Variants in TNFAIP8L3 observed in about 807,000 individuals in gnomAD.
The protein encoded by TNFAIP8L3 is TNF alpha induced protein 8 like 3, also known as tumor necrosis factor alpha-induced protein 8-like protein 3.
TNFAIP8L3 carries 7 observed loss-of-function variants against 11.8 expected under a neutral mutation model. The observed-to-expected ratio is 0.59, with a 90% CI of 0.34 to 1.11. The LOEUF is 1.11. TNFAIP8L3 is among the 50% of genes most tolerant of loss of function. The pLI is 0.03. For synonymous variants in TNFAIP8L3, 98 were observed against 103.8 expected, an observed-to-expected ratio of 0.94 and a Z score of 0.34; for missense variants, 219 against 258.6, an observed-to-expected ratio of 0.85 and a Z score of 1.05.
chr15:51,087,919 T>TATATATATA (rs1555468325), intron 1 of TNFAIP8L3, among the ~76,000 whole-genome samples: 1 of 101,564 alleles, frequency 9.8e-6, no homozygotes, highest in South Asian at 3.7e-4. Context: ...TAGCATACCT[T>TATATATATA]TATATATATA....
upstream of TNFAIP8L3, among the ~76,000 whole-genome samples, chr15:51,094,917 C>T (rs1454470964): frequency 1.3e-5 from 2 of 151,556 alleles, no homozygotes; most frequent in African/African-American, 4.8e-5. This position sits in a 1 kb window ranked among gnomAD's most constrained non-coding sequence, Gnocchi z 4.4. Context: ...GCCCGGCGGG[C>T]TCCAGGCTGG....
intron 1 of TNFAIP8L3, among the ~76,000 whole-genome samples, chr15:51,088,602 T>C (rs1248929612): frequency 6.6e-6 from 1 of 152,202 alleles, no homozygotes; most frequent in Non-Finnish European, 1.5e-5. Flanking sequence ...CTGTGTGGAT[T>C]GAACAGTTGG....
Position 51,094,654 on chromosome 15 carries a change from A to G in TNFAIP8L3, c.-59T>C. ...CCGCCCGTCTGCGGGGCGCTCGGGC[A>G]GCCGCGGCGCACTCAGGGCGGACAG... On this transcript the variant is annotated 5_prime_UTR_variant, in exon 1 of 2. Coordinates refer to ENST00000637513, the MANE Select transcript of TNFAIP8L3 (RefSeq NM_001311175.2). The surrounding 1 kb of genome is among the most constrained non-coding windows in gnomAD (Gnocchi z 4.4). 1 of 1,361,176 alleles carries G rather than the reference A, an allele frequency of 7.3e-7. No individual in the cohort carries two copies. The highest frequency in any genetic ancestry group is 9.5e-7 in the Non-Finnish European group (1 of 1,057,998). 84.3% of individuals were successfully genotyped at this position (1,361,176 alleles called of 1,614,324 possible).
At chr15:51,098,565 A>G (rs1042478527), upstream of TNFAIP8L3, among the ~76,000 whole-genome samples, 3 of 152,214 alleles carry the variant, frequency 2.0e-5, no homozygotes, top group Non-Finnish European at 4.4e-5. Context: ...TGAGAAAGGG[A>G]GCTTTCCTAT....
At chr15:51,066,887 T>C (rs557208200) in intron 1 of TNFAIP8L3, among the ~76,000 whole-genome samples, 1 of 152,300 alleles carries the variant, frequency 6.6e-6, no homozygotes, top group South Asian at 2.1e-4. Flanking sequence ...GGATTCAAAC[T>C]AGAAAACATT....
At chr15:51,078,097 A>C (rs150735504) in intron 1 of TNFAIP8L3, among the ~76,000 whole-genome samples, 3 of 152,262 alleles carry the variant, frequency 2.0e-5, no homozygotes, top group Admixed American at 2.0e-4. Flanking sequence ...AAAAATAAAT[A>C]GTGATTGGGC....
intron 1 of TNFAIP8L3, among the ~76,000 whole-genome samples, chr15:51,082,042 GA>G (rs2065395875): frequency 6.7e-6 from 1 of 148,898 alleles, no homozygotes; most frequent in African/African-American, 2.5e-5. Flanking sequence ...AAGAAAGAGT[GA>G]ATTTTTTTTT....
chr15:51,099,541 C>T (rs1395926784), upstream of TNFAIP8L3, among the ~76,000 whole-genome samples: 2 of 152,180 alleles, frequency 1.3e-5, no homozygotes, highest in Admixed American at 6.5e-5. Flanking sequence ...TTTATAAGCC[C>T]TTTAAATAGC....
chr15:51,079,793 G>A (rs1052870209), intron 1 of TNFAIP8L3, among the ~76,000 whole-genome samples: 97 of 144,776 alleles, frequency 6.7e-4, no homozygotes. Flanking sequence ...AGGCTGCAGT[G>A]AGCTATGATC....
chr15:51,058,195 C>T lies in TNFAIP8L3; in HGVS notation c.301G>A (p.Glu101Lys). The change falls in exon 2 of 2, where the codon GAG (glutamate) becomes AAG (lysine). Residue 101 changes from glutamate to lysine, a missense_variant. Coordinates refer to ENST00000637513, the MANE Select transcript of TNFAIP8L3 (RefSeq NM_001311175.2). ...CGGAACTTCTCCACAATAACCAGCT[C>T]CTCTTGGCTAAACTGGTTGTTCCGG... ...LYRNNQFSQE[E>K]LVIVEKFRKK... The T allele has an allele frequency of 3.1e-6, 5 of 1,614,196 alleles. No homozygotes were observed. The highest frequency in any genetic ancestry group is 4.2e-6 in the Non-Finnish European group (5 of 1,180,042).
In TNFAIP8L3 at chr15:51,057,438, AACAT is replaced by A. The variant is rs1393230371; in HGVS notation, c.*439_*442del. Reference sequence around the variant, plus strand: ...TTAAATTAGAGATTCCAAAAGTATGAACATACATCATCTCATCTGGTCCTCACAA... The same window carrying A: ...TTAAATTAGAGATTCCAAAAGTATGAACATCATCTCATCTGGTCCTCACAA... On this transcript the variant is annotated 3_prime_UTR_variant, in exon 2 of 2. Transcript: ENST00000637513. The A allele has an allele frequency of 6.3e-6, 1 of 157,518 alleles. No homozygotes were observed. Among genetic ancestry groups the A allele is most frequent in the African/African-American group, 2.4e-5 (1 of 41,556 alleles). The allele number at this position is 157,518 out of a possible 1,614,324, so 9.8% of individuals were successfully genotyped here.
chr15:51,072,233 T>C (rs2140969675), intron 1 of TNFAIP8L3, among the ~76,000 whole-genome samples: 1 of 152,268 alleles, frequency 6.6e-6, no homozygotes, highest in African/African-American at 2.4e-5. Context: ...CTCTGCCTCC[T>C]GGTTTCAAGC....
In TNFAIP8L3 at chr15:51,057,838, G is replaced by T; in HGVS notation, c.*43C>A. 1 of 1,480,550 alleles carries T rather than the reference G, an allele frequency of 6.8e-7. No homozygotes were observed. The highest frequency in any genetic ancestry group is 9.1e-7 in the Non-Finnish European group (1 of 1,097,424). The allele number at this position is 1,480,550 out of a possible 1,614,324, so 91.7% of individuals were successfully genotyped here. A position where few individuals can be genotyped will look rare whatever the true frequency, so the allele number is the denominator to read the frequency against. On this transcript the variant is annotated 3_prime_UTR_variant, in exon 2 of 2. Transcript: ENST00000637513. ...ATTCTCACCCAGATCATGGTTGAGT[G>T]CTGTAACTTTAAAGCAGCAAAGTCC... is the stretch of plus-strand genomic sequence containing the variant.
rs2140982814 is a variant in TNFAIP8L3 at position 51,094,310 on chromosome 15, C to T, written c.52+234G>A. Among the ~76,000 whole-genome samples the T allele has an allele frequency of 6.6e-6, 1 of 152,224 alleles. No homozygotes were observed. The highest frequency in any genetic ancestry group is 2.1e-4 in the South Asian group (1 of 4,826). ...CAGCCCGGGCGACCAGAGCCCGCCG[C>T]GGGAGACTGGCAGCAAGGAGAGCCA... On this transcript the variant is annotated intron_variant, in intron 1 of 1. Transcript: ENST00000637513. This position sits in a 1 kb window ranked among gnomAD's most constrained non-coding sequence, Gnocchi z 4.4.
Position 51,058,316 on chromosome 15 carries a change from G to C in TNFAIP8L3, c.180C>G (p.Leu60=), listed in dbSNP as rs1369838181. The C allele has an allele frequency of 6.2e-7, 1 of 1,614,140 alleles. No individual in the cohort carries two copies. The highest frequency in any genetic ancestry group is 1.7e-5 in the Admixed American group (1 of 60,026). ...GTGTGTGCTCTTTGGTGACTTTGTA[G>C]AGCTCATCAAAGATCTCGCTGCTGG... ...DDTSSEIFDE[L]YKVTKEHTHN... is the part of the protein sequence containing the mutation. The change falls in exon 2 of 2, where the codon CTC becomes CTG. Residue 60 remains leucine (L), a synonymous_variant. Transcript: ENST00000637513.
intron 1 of TNFAIP8L3, among the ~76,000 whole-genome samples, chr15:51,103,786 A>C (rs532101912): frequency 1.8e-4 from 27 of 152,332 alleles, no homozygotes; most frequent in African/African-American, 6.5e-4. Flanking sequence ...CATTCCTGTA[A>C]CTCATACTTT....
intron 1 of TNFAIP8L3, among the ~76,000 whole-genome samples, chr15:51,082,256 C>A (rs2065397918): frequency 6.6e-6 from 1 of 152,154 alleles, no homozygotes; most frequent in African/African-American, 2.4e-5. Context: ...TGCTCCTAGG[C>A]TACAAACTTG....
At chr15:51,067,044 C>T (rs2140966495) in intron 1 of TNFAIP8L3, among the ~76,000 whole-genome samples, 1 of 152,260 alleles carries the variant, frequency 6.6e-6, no homozygotes, top group Middle Eastern at 3.4e-3. Context: ...CCTTGATCCT[C>T]CCCTCTCCCA....
chr15:51,061,260 C>T (rs2065241013), intron 1 of TNFAIP8L3, among the ~76,000 whole-genome samples: 1 of 152,184 alleles, frequency 6.6e-6, no homozygotes, highest in African/African-American at 2.4e-5. Context: ...CCTGTCTCAG[C>T]CCCAAGTAGC....
Sources: gnomAD v4.1 joint callset for allele counts (sites outside exome capture counted in the v4.1 genomes callset) on GRCh38, gnomAD v4.1.1 for gene constraint, Gnocchi (gnomAD v3.1) non-coding constraint, MANE v1.5 for transcripts, NCBI Gene and HGNC (gene_info 2026-07-23, HGNC 2026-07-21) for gene names.